TTLL5: variants seen among roughly 807,000 people sequenced by gnomAD.
TTLL5 encodes the protein tubulin tyrosine ligase like 5.
Under a neutral mutation model 168.4 loss-of-function variants are expected in TTLL5, and 132 were observed. The observed-to-expected ratio is 0.78, with a 90% CI of 0.68 to 0.91. The LOEUF (loss-of-function observed/expected upper bound fraction) is 0.91, where lower values mean the gene tolerates loss of function less well. TTLL5 is among the 40% of genes least tolerant of loss of function. The pLI is 0.00. For missense variants in TTLL5, 1,545 were observed against 1,581.5 expected, an observed-to-expected ratio of 0.98 and a Z score of 0.39; for synonymous variants, 546 against 558.6, an observed-to-expected ratio of 0.98 and a Z score of 0.32.
At chr14:75,946,934 T>A (rs1404932286) in intron 31 of TTLL5, among the ~76,000 whole-genome samples, 2 of 152,178 alleles carry the variant, frequency 1.3e-5, no homozygotes, top group Non-Finnish European at 2.9e-5. Flanking sequence ...GGGATGTGGC[T>A]GCTGTGATTG....
chr14:75,897,538 G>A (rs576720228), intron 30 of TTLL5, among the ~76,000 whole-genome samples: 11 of 151,834 alleles, frequency 7.2e-5, no homozygotes, highest in African/African-American at 1.9e-4. Flanking sequence ...GTGTGATGGC[G>A]CAATCTTGGC....
At chr14:75,910,884 CT>C (rs1454932240) in intron 31 of TTLL5, among the ~76,000 whole-genome samples, 1 of 152,176 alleles carries the variant, frequency 6.6e-6, no homozygotes, top group Non-Finnish European at 1.5e-5. Flanking sequence ...AAACAGTAGT[CT>C]CTTATACTTC....
rs1160110011 is a variant in TTLL5, at chr14:75,905,340, G to T, written c.3823+3116G>T. On this transcript the variant is annotated intron_variant, in intron 31 of 31. Transcript: ENST00000298832. ...GTAAGTCTTGCCTGCCAGGCTTTCG[G>T]CTGTGTGACTGTTCTCTCGCAGTCT... Among the ~76,000 whole-genome samples, 2 of 152,182 alleles carry T rather than the reference G, an allele frequency of 1.3e-5. 1 individual carries two copies. Among genetic ancestry groups the T allele is most frequent in the East Asian group, 3.9e-4 (2 of 5,194 alleles).
chr14:75,813,760 T>G (rs1894210236), intron 27 of TTLL5, among the ~76,000 whole-genome samples: 1 of 151,946 alleles, frequency 6.6e-6, no homozygotes, highest in East Asian at 1.9e-4. Context: ...TATATACTTG[T>G]GTTTTTCACT....
At chr14:75,812,334 GT>G (rs1264810115) in intron 27 of TTLL5, among the ~76,000 whole-genome samples, 1 of 152,200 alleles carries the variant, frequency 6.6e-6, no homozygotes, top group East Asian at 1.9e-4. Flanking sequence ...CCCACAGGCA[GT>G]TACTCACTTA....
At chr14:75,857,722 G>T (rs901675404) in intron 28 of TTLL5, among the ~76,000 whole-genome samples, 3 of 150,826 alleles carry the variant, frequency 2.0e-5, no homozygotes, top group Admixed American at 2.0e-4. Context: ...CACAATCTCC[G>T]CTCACTGCAA....
intron 28 of TTLL5, among the ~76,000 whole-genome samples, chr14:75,858,244 T>C (rs940326768): frequency 1.3e-5 from 2 of 152,210 alleles, no homozygotes; most frequent in African/African-American, 4.8e-5. Flanking sequence ...AAAACGATGG[T>C]GGGTTTTGTA....
intron 30 of TTLL5, among the ~76,000 whole-genome samples, chr14:75,892,309 T>C (rs974390561): frequency 1.3e-5 from 2 of 152,112 alleles, no homozygotes; most frequent in African/African-American, 4.8e-5. Context: ...AAGGCACATA[T>C]CTCCTTGGCC....
intron 20 of TTLL5, among the ~76,000 whole-genome samples, chr14:75,768,671 T>TA (rs1296403083): frequency 6.6e-6 from 1 of 152,088 alleles, no homozygotes; most frequent in Non-Finnish European, 1.5e-5. Context: ...AAGAAAGTGC[T>TA]ATGGGATGAA....
chr14:75,709,427 TC>T, intron 9 of TTLL5: 1 of 498,466 alleles, frequency 2.0e-6, no homozygotes, highest in Non-Finnish European at 3.6e-6. Context: ...CATTTATAAG[TC>T]CTGTCATATT....
chr14:75,762,161 C>G (rs557702641), intron 18 of TTLL5, among the ~76,000 whole-genome samples: 15 of 151,996 alleles, frequency 9.9e-5, no homozygotes, highest in Admixed American at 3.3e-4. Context: ...TTTGGGAGGC[C>G]GAGGCGGGTG....
At chr14:75,779,288 CTT>C in intron 23 of TTLL5, among the ~76,000 whole-genome samples, 1 of 152,246 alleles carries the variant, frequency 6.6e-6, no homozygotes, top group East Asian at 1.9e-4. Flanking sequence ...GGAAAAGAAT[CTT>C]TAATTTAATT....
At chr14:75,779,024 G>A (rs1461350453) in intron 23 of TTLL5, among the ~76,000 whole-genome samples, 6 of 152,180 alleles carry the variant, frequency 3.9e-5, no homozygotes, top group Admixed American at 3.9e-4. Flanking sequence ...AAACTGTAAA[G>A]GTCCAGATAA....
chr14:75,663,472 G>A (rs938456490), intron 2 of TTLL5, among the ~76,000 whole-genome samples: 1 of 152,128 alleles, frequency 6.6e-6, no homozygotes, highest in Non-Finnish European at 1.5e-5. Flanking sequence ...GTGAACATCA[G>A]CTCTAGATGT....
chr14:75,668,973 G>A (rs1008704107), intron 2 of TTLL5, among the ~76,000 whole-genome samples: 1 of 152,120 alleles, frequency 6.6e-6, no homozygotes, highest in Non-Finnish European at 1.5e-5. Flanking sequence ...AACAGCTACA[G>A]GCTCTTCTTT....
Position 75,745,085 on chromosome 14 carries a change from T to G in TTLL5, c.1282-10T>G. On this transcript the variant is annotated splice_polypyrimidine_tract_variant and intron_variant, in intron 15 of 31. Transcript: ENST00000298832. Reference sequence around the variant, plus strand: ...AATTTTTTTTACTATTTTCATTTTCTTCTCCTTAGCGTTGCCGTCCACTCT... The same window carrying G: ...AATTTTTTTTACTATTTTCATTTTCGTCTCCTTAGCGTTGCCGTCCACTCT... 6.2e-7 allele frequency: 1 copy of G among 1,612,244 alleles called. No individual in the cohort carries two copies. The highest frequency in any genetic ancestry group is 2.2e-5 in the East Asian group (1 of 44,838).
In TTLL5 at chr14:75,949,918, A is replaced by T. The variant is rs532429834; in HGVS notation, c.3824-4506A>T. On this transcript the variant is annotated intron_variant, in intron 31 of 31. Coordinates refer to ENST00000298832, the MANE Select transcript of TTLL5 (RefSeq NM_015072.5). ...CCAGTTCTCCCTAAAATTGATTTGTATATTTGAGAGGGTATTAGTTGTTTA... is the reference window on the plus strand; with the variant it reads ...CCAGTTCTCCCTAAAATTGATTTGTTTATTTGAGAGGGTATTAGTTGTTTA... Among the ~76,000 whole-genome samples, 19 of 152,028 alleles carry T rather than the reference A, an allele frequency of 1.2e-4. No individual in the cohort carries two copies. In the South Asian group the frequency reaches 3.5e-3, roughly 28 times the overall value.
chr14:75,894,349 C>G (rs1437728801), intron 30 of TTLL5, among the ~76,000 whole-genome samples: 1 of 152,036 alleles, frequency 6.6e-6, no homozygotes, highest in Non-Finnish European at 1.5e-5. Context: ...GTTAGGGGTT[C>G]GAAACCAGCC....
intron 30 of TTLL5, among the ~76,000 whole-genome samples, chr14:75,885,225 T>C (rs980621698): frequency 1.3e-5 from 2 of 150,716 alleles, no homozygotes; most frequent in African/African-American, 4.9e-5. Context: ...GTGCGGTGGC[T>C]CACGCCTGTA....
Sources: allele counts gnomAD v4.1 joint callset (sites outside exome capture counted in the v4.1 genomes callset), GRCh38; gene constraint gnomAD v4.1.1; transcripts MANE v1.5; gene names NCBI Gene and HGNC (gene_info 2026-07-23, HGNC 2026-07-21).